The following TLCD4 variants were observed in gnomAD, a reference collection of about 807,000 sequenced individuals.
TLCD4 encodes TLC domain containing 4, also known as TLC domain-containing protein 4.
A neutral mutation model predicts 24.2 loss-of-function variants in TLCD4; 7 were observed. That is an observed-to-expected ratio of 0.29 (90% CI 0.16 to 0.54). The LOEUF is 0.54. Ranked by LOEUF, TLCD4 falls within the 20% of genes least tolerant of loss-of-function variation. TLCD4 has a pLI of 0.95. For synonymous variants in TLCD4, 103 were observed against 106.4 expected, an observed-to-expected ratio of 0.97 and a Z score of 0.20; for missense variants, 259 against 313.9, an observed-to-expected ratio of 0.82 and a Z score of 1.32.
At chr1:95,185,019 T>C (rs967705756) in intron 6 of TLCD4, among the ~76,000 whole-genome samples, 1 of 151,952 alleles carries the variant, frequency 6.6e-6, no homozygotes, top group African/African-American at 2.4e-5. Context: ...GGGTGACCAA[T>C]TTCTTTTTTT....
At chr1:95,173,990 C>G in intron 6 of TLCD4, 101 bp downstream of exon 6, 2 of 1,492,318 alleles carry the variant, frequency 1.3e-6, no homozygotes, top group South Asian at 2.4e-5. Flanking sequence ...ATAAAAGATA[C>G]GGATCTGTGA....
chr1:95,148,247 G>T lies in TLCD4; in HGVS notation c.156-455G>T, dbSNP rs934638480. On this transcript the variant is annotated intron_variant, in intron 2 of 6. Coordinates refer to ENST00000370203, the MANE Select transcript of TLCD4 (RefSeq NM_152487.3). ...CATGATCCATTCGAATTGTTTTAAGGATATGGAGTTTGTTAAAGCCAGTAG... is the reference window on the plus strand; with the variant it reads ...CATGATCCATTCGAATTGTTTTAAGTATATGGAGTTTGTTAAAGCCAGTAG... 1.9e-4 allele frequency among the ~76,000 whole-genome samples: 29 copies of T among 152,258 alleles called. 1 individual carries two copies. The highest frequency in any genetic ancestry group is 7.0e-4 in the African/African-American group (29 of 41,544).
chr1:95,167,161 T>C (rs1476056088), intron 5 of TLCD4, among the ~76,000 whole-genome samples: 1 of 152,056 alleles, frequency 6.6e-6, no homozygotes, highest in African/African-American at 2.4e-5. Context: ...AAGATGGCAT[T>C]GTGCCCATTT....
intron 1 of TLCD4, among the ~76,000 whole-genome samples, chr1:95,133,629 G>T (rs942937579): frequency 6.6e-6 from 1 of 152,128 alleles, no homozygotes; most frequent in Non-Finnish European, 1.5e-5. Context: ...GGGGTCATCT[G>T]CTGAGAATGG....
At chr1:95,140,745 A>C (rs965723272) in intron 1 of TLCD4, 1 of 152,270 alleles carries the variant, frequency 6.6e-6, no homozygotes, top group African/African-American at 2.4e-5. Flanking sequence ...TATATGAAGT[A>C]GGTGTGCTTT....
At chr1:95,186,026 G>C (rs150512149) in intron 6 of TLCD4, among the ~76,000 whole-genome samples, 1 of 152,190 alleles carries the variant, frequency 6.6e-6, no homozygotes, top group South Asian at 2.1e-4. Flanking sequence ...AAGGACTGTC[G>C]AGCCAGTTTG....
At chr1:95,105,487 T>G in the TLCD4 span, among the ~76,000 whole-genome samples, 1 of 152,236 alleles carries the variant, frequency 6.6e-6, no homozygotes. Context: ...TTTTGATAAT[T>G]AGGCACTTGT....
intron 5 of TLCD4, among the ~76,000 whole-genome samples, chr1:95,166,993 C>G (rs1050631978): frequency 1.3e-5 from 2 of 152,090 alleles, no homozygotes; most frequent in African/African-American, 4.8e-5. Flanking sequence ...CCTCAACCTC[C>G]TAAAGTGTTG....
intron 1 of TLCD4, among the ~76,000 whole-genome samples, chr1:95,133,577 C>T (rs1004893070): frequency 2.0e-5 from 3 of 152,158 alleles, no homozygotes; most frequent in Admixed American, 6.5e-5. Flanking sequence ...GGATATTGAA[C>T]GTTTTCATAT....
intron 5 of TLCD4, among the ~76,000 whole-genome samples, chr1:95,155,474 G>T (rs996127330): frequency 2.0e-5 from 3 of 152,068 alleles, no homozygotes; most frequent in Non-Finnish European, 2.9e-5. Flanking sequence ...ATTATAGAAA[G>T]ATTTAATCCT....
chr1:95,114,583 A>C (rs991688778), upstream of TLCD4, among the ~76,000 whole-genome samples: 1 of 152,186 alleles, frequency 6.6e-6, no homozygotes, highest in African/African-American at 2.4e-5. Flanking sequence ...TAATCCCAGC[A>C]CTTTGGGAAG....
chr1:95,178,467 T>G (rs1272681444), intron 6 of TLCD4, among the ~76,000 whole-genome samples: 2 of 151,900 alleles, frequency 1.3e-5, no homozygotes, highest in African/African-American at 4.8e-5. Flanking sequence ...TTGGCCACGT[T>G]GGCCAGGCTG....
intron 6 of TLCD4, among the ~76,000 whole-genome samples, chr1:95,181,580 A>ATTTATTTATTTATTTATTTAT (rs1553172742): frequency 1.5e-4 from 22 of 146,108 alleles, no homozygotes; most frequent in East Asian, 6.0e-4. Context: ...AATTTGTTTA[A>ATTTATTTATTTATTTATTTAT]TTATTTATTT....
At chr1:95,137,559 G>A (rs1184160858) in intron 1 of TLCD4, among the ~76,000 whole-genome samples, 1 of 152,152 alleles carries the variant, frequency 6.6e-6, no homozygotes, top group South Asian at 2.1e-4. Context: ...GAGTGATCGT[G>A]TTTTGGTGGG....
intron 1 of TLCD4, among the ~76,000 whole-genome samples, chr1:95,133,626 TCTG>T (rs1676963135): frequency 6.6e-6 from 1 of 152,110 alleles, no homozygotes; most frequent in Admixed American, 6.6e-5. Flanking sequence ...ATGGGGGTCA[TCTG>T]CTGAGAATGG....
At chr1:95,162,175 C>G (rs1031042989) in intron 5 of TLCD4, among the ~76,000 whole-genome samples, 10 of 152,066 alleles carry the variant, frequency 6.6e-5, no homozygotes, top group Admixed American at 6.6e-5. Flanking sequence ...CTTTATGAAT[C>G]TGGGTGCTCC....
chr1:95,182,164 A>G lies in TLCD4; in HGVS notation c.473+8275A>G, dbSNP rs116291314. Reference sequence around the variant, plus strand: ...TGAAAGTTCAGATTTTGTTGTTGGTATCAAAACTGTCAGTTGCTTTTCTTT... The same window carrying G: ...TGAAAGTTCAGATTTTGTTGTTGGTGTCAAAACTGTCAGTTGCTTTTCTTT... On this transcript the variant is annotated intron_variant, in intron 6 of 6. Transcript: ENST00000370203. Among the ~76,000 whole-genome samples the G allele has an allele frequency of 6.2e-3, 949 of 152,124 alleles. 12 individuals carry two copies. The highest frequency in any genetic ancestry group is 0.021 in the African/African-American group (884 of 41,506).
At chr1:95,100,910 CTT>C in the TLCD4 span, among the ~76,000 whole-genome samples, 1,221 of 142,152 alleles carry the variant, frequency 8.6e-3, 15 homozygotes, top group African/African-American at 0.024. Flanking sequence ...AGGTCTCCAA[CTT>C]TTTTTTTTTT....
chr1:95,132,266 C>T (rs1456479725), intron 1 of TLCD4, among the ~76,000 whole-genome samples: 1 of 151,868 alleles, frequency 6.6e-6, no homozygotes, highest in African/African-American at 2.4e-5. Context: ...ACCAGCCCGA[C>T]CAACATAGTG....
Sources: gnomAD v4.1 joint callset for allele counts (sites outside exome capture counted in the v4.1 genomes callset) on GRCh38, gnomAD v4.1.1 for gene constraint, MANE v1.5 for transcripts, NCBI Gene and HGNC (gene_info 2026-07-23, HGNC 2026-07-21) for gene names.